The following CKAP5 variants were observed in gnomAD, a reference collection of about 807,000 sequenced individuals.
CKAP5 encodes cytoskeleton associated protein 5, also known as cytoskeleton-associated protein 5.
A neutral mutation model predicts 232.8 loss-of-function variants in CKAP5; 27 were observed. The observed-to-expected ratio is 0.12, with a 90% confidence interval of 0.09 to 0.16. The LOEUF is 0.16. CKAP5 is among the 10% of genes least tolerant of loss of function. The probability of loss-of-function intolerance (pLI) is 1.00; values close to 1 mark genes in which losing one functional copy is unlikely to be tolerated. For missense variants in CKAP5, 1,838 were observed against 2,424.7 expected (o/e 0.76, Z 5.08); for synonymous variants, 785 against 841.1 (o/e 0.93, Z 1.16).
chr11:46,777,696 G>A (rs1349578399), intron 22 of CKAP5, 144 bp from the exon 23 acceptor site: 4 of 584,092 alleles, frequency 6.8e-6, no homozygotes, highest in African/African-American at 1.9e-5. Flanking sequence ...CATGCTATTC[G>A]ACTTAGATTA....
At chr11:46,789,047 A>G (rs1022430394) in intron 15 of CKAP5, among the ~76,000 whole-genome samples, 1 of 152,260 alleles carries the variant, frequency 6.6e-6, no homozygotes, top group African/African-American at 2.4e-5. Context: ...GAATTCACAA[A>G]TAGTTTGCTC....
intron 3 of CKAP5, among the ~76,000 whole-genome samples, chr11:46,816,974 C>T (rs1459202902): frequency 3.3e-5 from 5 of 151,762 alleles, no homozygotes; most frequent in South Asian, 2.1e-4. Flanking sequence ...GGTGTGGTGG[C>T]GCATGCCTGT....
intron 24 of CKAP5, among the ~76,000 whole-genome samples, chr11:46,773,212 T>G (rs2065262566): frequency 1.3e-5 from 2 of 152,260 alleles, no homozygotes; most frequent in South Asian, 4.1e-4. Flanking sequence ...ATTTTGTTAT[T>G]CTGTTGTTAT....
chr11:46,749,505 T>C (rs1427532659), intron 42 of CKAP5, among the ~76,000 whole-genome samples: 3 of 146,796 alleles, frequency 2.0e-5, no homozygotes, highest in Non-Finnish European at 4.5e-5. Context: ...GGTGGAGATA[T>C]CATGTAGGAT....
At chr11:46,755,747 G>A (rs1225159918) in intron 35 of CKAP5, among the ~76,000 whole-genome samples, 1 of 151,694 alleles carries the variant, frequency 6.6e-6, no homozygotes, top group Non-Finnish European at 1.5e-5. Context: ...TGGCCAACAT[G>A]GTGAAACCCC....
At chr11:46,762,359 C>T (rs763217750) in intron 31 of CKAP5, 166 bp from the exon 32 acceptor site, 2 of 889,296 alleles carry the variant, frequency 2.2e-6, no homozygotes. Flanking sequence ...AATGGTATTT[C>T]AGCAAGTGCT....
intron 35 of CKAP5, among the ~76,000 whole-genome samples, chr11:46,756,811 A>G (rs2065113935): frequency 6.7e-6 from 1 of 149,762 alleles, no homozygotes; most frequent in Non-Finnish European, 1.5e-5. Flanking sequence ...GCTGGAGTGC[A>G]ATGGCACAAT....
intron 38 of CKAP5, 82 bp from the exon 39 acceptor site, chr11:46,751,616 G>A: frequency 8.3e-7 from 1 of 1,200,026 alleles, no homozygotes; most frequent in South Asian, 1.5e-5. Flanking sequence ...TAAGCTTTGA[G>A]CTCACTTCTA....
chr11:46,791,546 T>G (rs1176111224), intron 13 of CKAP5, among the ~76,000 whole-genome samples: 1 of 152,058 alleles, frequency 6.6e-6, no homozygotes, highest in African/African-American at 2.4e-5. Context: ...TGTTGGTGTA[T>G]GCCTATAGTC....
rs752059652 is a variant in CKAP5 at position 46,759,256 on chromosome 11, G to C, written c.4568+13C>G. 5.6e-6 allele frequency: 9 copies of C among 1,607,638 alleles called. No homozygotes were observed. The highest frequency in any genetic ancestry group is 7.6e-6 in the Non-Finnish European group (9 of 1,177,080). Reference sequence around the variant, plus strand: ...ATGAACTGCTCATATTTAAATGAAAGAGTTTAACTCACTTGGGTTCAGGAA... The same window carrying C: ...ATGAACTGCTCATATTTAAATGAAACAGTTTAACTCACTTGGGTTCAGGAA... On this transcript the variant is annotated intron_variant, in intron 34 of 43. Transcript: ENST00000529230.
intron 9 of CKAP5, among the ~76,000 whole-genome samples, chr11:46,799,607 G>C (rs1282169692): frequency 6.6e-6 from 1 of 152,196 alleles, no homozygotes; most frequent in Non-Finnish European, 1.5e-5. Context: ...CAGAGCAATA[G>C]AGACATTCTT....
In CKAP5 at chr11:46,765,263, C is replaced by G; in HGVS notation, c.3412-7G>C. On this transcript the variant is annotated splice_polypyrimidine_tract_variant and splice_region_variant and intron_variant, in intron 27 of 43. Transcript: ENST00000529230. ...TCTTCTTCCCTTGTGCACTCTACAA[C>G]CAAGGTTCAGGGAATACTGATTAGC... is the stretch of plus-strand genomic sequence containing the variant. 1 of 1,606,610 alleles carries G rather than the reference C, an allele frequency of 6.2e-7. No homozygotes were observed. The highest frequency in any genetic ancestry group is 1.3e-5 in the African/African-American group (1 of 74,612).
Position 46,786,373 on chromosome 11 carries a change from G to C in CKAP5, c.1969-1700C>G, listed in dbSNP as rs372561966. Among the ~76,000 whole-genome samples, 25 of 152,306 alleles carry C rather than the reference G, an allele frequency of 1.6e-4. 1 individual carries two copies. The East Asian group carries it at 3.3e-3, about 20-fold the overall frequency. ...CACTGGCAGGTGGGGGGACAGCTCA[G>C]GTTTGGACCTCCTCAAAAAGTTTTG... On this transcript the variant is annotated intron_variant, in intron 16 of 43. Transcript: ENST00000529230.
At chr11:46,808,369 G>GCA (rs1939203106) in intron 7 of CKAP5, among the ~76,000 whole-genome samples, 1 of 152,124 alleles carries the variant, frequency 6.6e-6, no homozygotes, top group African/African-American at 2.4e-5. Flanking sequence ...GTGAAACCCT[G>GCA]TCTCTACTAA....
At chr11:46,762,913 A>C in intron 30 of CKAP5, 63 bp downstream of exon 30, 2 of 1,500,848 alleles carry the variant, frequency 1.3e-6, no homozygotes, top group Non-Finnish European at 1.8e-6. Flanking sequence ...AGGAAATAAA[A>C]GTACAGAAAC....
chr11:46,745,050 G>C (rs2065012542), intron 42 of CKAP5, among the ~76,000 whole-genome samples: 1 of 152,174 alleles, frequency 6.6e-6, no homozygotes, highest in South Asian at 2.1e-4. Flanking sequence ...GGGAAGAGAA[G>C]GTGTCCAACA....
In CKAP5 at chr11:46,791,356, C is replaced by G. The variant is rs535594815; in HGVS notation, c.1651-773G>C. On this transcript the variant is annotated intron_variant, in intron 13 of 43. Transcript: ENST00000529230. ...CCTTGACCTCCTGGGCTTAAGCGAG[C>G]CTCCCATCTCAAGCAGCCCTCCCAT... 9.2e-3 allele frequency among the ~76,000 whole-genome samples: 1,145 copies of G among 124,842 alleles called. 15 individuals are homozygous for G. Among genetic ancestry groups the G allele is most frequent in the Middle Eastern group, 0.016 (4 of 252 alleles). The allele number at this position is 124,842 out of a possible 152,430, so 81.9% of individuals were successfully genotyped here.
At chr11:46,779,669 G>C (rs529844864) in intron 20 of CKAP5, among the ~76,000 whole-genome samples, 1 of 151,724 alleles carries the variant, frequency 6.6e-6, no homozygotes, top group African/African-American at 2.4e-5. Context: ...GCCTAGGCTT[G>C]AGTACAGTGG....
At chr11:46,760,954 AAAG>A (rs2065149733) in intron 32 of CKAP5, among the ~76,000 whole-genome samples, 170 bp from the exon 33 acceptor site, 2 of 152,212 alleles carry the variant, frequency 1.3e-5, no homozygotes, top group African/African-American at 2.4e-5. Context: ...AGGAGATATG[AAAG>A]AAGGAGAGGG....
Sources: allele counts gnomAD v4.1 joint callset (sites outside exome capture counted in the v4.1 genomes callset), GRCh38; gene constraint gnomAD v4.1.1; transcripts MANE v1.5; gene names NCBI Gene and HGNC (gene_info 2026-07-23, HGNC 2026-07-21).